RNF180: variants seen among roughly 807,000 people sequenced by gnomAD.
RNF180 encodes ring finger protein 180.
Under a neutral mutation model 59.2 loss-of-function variants are expected in RNF180, and 38 were observed. The observed-to-expected ratio is 0.64, with a 90% CI of 0.50 to 0.84. The LOEUF (loss-of-function observed/expected upper bound fraction) is 0.84, where lower values mean the gene tolerates loss of function less well. RNF180 is among the 40% of genes least tolerant of loss of function. RNF180 has a pLI of 0.00. For missense variants in RNF180, 705 were observed against 700.9 expected (o/e 1.01, Z -0.07); for synonymous variants, 262 against 240.3 (o/e 1.09, Z -0.84).
intron 5 of RNF180, among the ~76,000 whole-genome samples, chr5:64,235,060 T>G (rs763329498): frequency 6.6e-6 from 1 of 152,114 alleles, no homozygotes; most frequent in Non-Finnish European, 1.5e-5. Context: ...GAGGATCACT[T>G]TATCCCAGGA....
At chr5:64,173,373 A>C (rs902553263) in intron 1 of RNF180, among the ~76,000 whole-genome samples, 5 of 152,126 alleles carry the variant, frequency 3.3e-5, no homozygotes, top group African/African-American at 1.2e-4. Context: ...TATATTGTAC[A>C]TATTTGGGGG....
intron 5 of RNF180, among the ~76,000 whole-genome samples, chr5:64,290,421 T>G (rs1348164464): frequency 2.0e-5 from 3 of 152,234 alleles, no homozygotes; most frequent in Admixed American, 2.0e-4. Context: ...GTTTAGGTCC[T>G]GAATATATTT....
intron 7 of RNF180, among the ~76,000 whole-genome samples, chr5:64,340,387 A>AATT (rs1745311793): frequency 1.3e-5 from 2 of 152,192 alleles, no homozygotes; most frequent in African/African-American, 4.8e-5. Flanking sequence ...AAGCCTGGAG[A>AATT]ATTATTTTAT....
At position 64,177,564 on chromosome 5, in the gene RNF180, T is replaced by TATATATATA. The variant is rs1183807512; in HGVS notation, c.-1+11613_-1+11614insATATATAAT. Among the ~76,000 whole-genome samples the TATATATATA allele has an allele frequency of 3.7e-5, 5 of 134,538 alleles. No individual in the cohort carries two copies. The East Asian group carries it at 1.1e-3, about 29-fold the overall frequency. The allele number at this position is 134,538 out of a possible 152,430, so 88.3% of individuals were successfully genotyped here. ...ATATATATATATATATATATATATA[T>TATATATATA]ATGTATTTATTTCTTTCCTGAGTCA... On this transcript the variant is annotated intron_variant, in intron 1 of 7. Coordinates refer to ENST00000389100, the MANE Select transcript of RNF180 (RefSeq NM_001113561.2).
At chr5:64,325,629 C>T (rs1744600488) in intron 6 of RNF180, among the ~76,000 whole-genome samples, 1 of 152,180 alleles carries the variant, frequency 6.6e-6, no homozygotes, top group African/African-American at 2.4e-5. Context: ...CAGATCCTTT[C>T]TAAAACACTG....
intron 7 of RNF180, among the ~76,000 whole-genome samples, chr5:64,354,996 C>G (rs1561278213): frequency 6.6e-6 from 1 of 151,786 alleles, no homozygotes; most frequent in Non-Finnish European, 1.5e-5. Context: ...AAGCTTTCCC[C>G]CTAAAATTAG....
At chr5:64,278,443 A>G (rs1741839224) in intron 5 of RNF180, among the ~76,000 whole-genome samples, 1 of 152,204 alleles carries the variant, frequency 6.6e-6, no homozygotes, top group South Asian at 2.1e-4. Context: ...TAAGTTGTAC[A>G]AATTGTGAGA....
chr5:64,260,298 G>A (rs960784106), intron 5 of RNF180, among the ~76,000 whole-genome samples: 21 of 151,938 alleles, frequency 1.4e-4, no homozygotes, highest in East Asian at 5.8e-4. Flanking sequence ...TTTATTTTAC[G>A]GTTATGCAGT....
rs1418097056 is a variant in RNF180 at position 64,372,620 on chromosome 5, CAAAG to C, written c.*2809_*2812del. The stretch of plus-strand genomic sequence containing the variant: ...ACATCTAATTTTTATATGGATTTCT[CAAAG>C]AATGCCTTACAGAAGAGCATTCTCT... On this transcript the variant is annotated 3_prime_UTR_variant, in exon 8 of 8. Transcript: ENST00000389100. 1 of 151,874 alleles carries C rather than the reference CAAAG, an allele frequency of 6.6e-6. No individual in the cohort carries two copies. The highest frequency in any genetic ancestry group is 2.4e-5 in the African/African-American group (1 of 41,396). The allele number at this position is 151,874 out of a possible 1,614,324, so 9.4% of individuals were successfully genotyped here.
intron 5 of RNF180, among the ~76,000 whole-genome samples, chr5:64,285,544 G>A (rs747384634): frequency 6.6e-6 from 1 of 151,930 alleles, no homozygotes; most frequent in Admixed American, 6.6e-5. Context: ...GCATCATGTG[G>A]GTCAAGTCAG....
chr5:64,215,111 T>A (rs1165769053), intron 4 of RNF180, among the ~76,000 whole-genome samples: 1 of 152,180 alleles, frequency 6.6e-6, no homozygotes, highest in African/African-American at 2.4e-5. Context: ...TCTACTTCAG[T>A]ACCCATAGTA....
At chr5:64,298,818 G>A (rs1269350336) in intron 5 of RNF180, among the ~76,000 whole-genome samples, 1 of 152,026 alleles carries the variant, frequency 6.6e-6, no homozygotes, top group Non-Finnish European at 1.5e-5. Context: ...GCAGTGCAGA[G>A]ACAACTTTAT....
intron 7 of RNF180, among the ~76,000 whole-genome samples, chr5:64,341,471 A>C (rs1288947811): frequency 1.3e-5 from 2 of 152,176 alleles, no homozygotes; most frequent in African/African-American, 4.8e-5. Flanking sequence ...GATTTCAGAA[A>C]TGTTCAAGTG....
chr5:64,269,265 C>T (rs917464230), intron 5 of RNF180, among the ~76,000 whole-genome samples: 5 of 152,272 alleles, frequency 3.3e-5, no homozygotes, highest in Non-Finnish European at 7.4e-5. Context: ...CAGGGTCTCA[C>T]TCTGTCACCT....
chr5:64,344,662 A>G (rs1262639243), intron 7 of RNF180, among the ~76,000 whole-genome samples: 1 of 152,078 alleles, frequency 6.6e-6, no homozygotes, highest in Non-Finnish European at 1.5e-5. Context: ...GGAATTGCCT[A>G]TTCTTTTCCC....
At chr5:64,293,375 C>T (rs949621864) in intron 5 of RNF180, among the ~76,000 whole-genome samples, 1 of 152,268 alleles carries the variant, frequency 6.6e-6, no homozygotes, top group East Asian at 1.9e-4. Flanking sequence ...CATTTTCATT[C>T]CTCTCTGTGA....
intron 2 of RNF180, among the ~76,000 whole-genome samples, chr5:64,203,410 C>A (rs2968291): frequency 0.023 from 3,530 of 152,134 alleles, 125 homozygotes; most frequent in African/African-American, 0.074. Context: ...AGTTGTGTAA[C>A]CACCACTACA....
intron 2 of RNF180, among the ~76,000 whole-genome samples, chr5:64,203,953 A>G (rs1751878910): frequency 1.3e-5 from 2 of 152,304 alleles, no homozygotes; most frequent in Admixed American, 1.3e-4. Flanking sequence ...ACCCCAAAGT[A>G]ATTTTATCAG....
chr5:64,329,311 G>C (rs1455377631), intron 6 of RNF180, among the ~76,000 whole-genome samples: 1 of 151,936 alleles, frequency 6.6e-6, no homozygotes, highest in Non-Finnish European at 1.5e-5. Context: ...ATTTCTTTTA[G>C]ACCACCAGTC....
Sources: gnomAD v4.1 joint callset for allele counts (sites outside exome capture counted in the v4.1 genomes callset) on GRCh38, gnomAD v4.1.1 for gene constraint, MANE v1.5 for transcripts, NCBI Gene and HGNC (gene_info 2026-07-23, HGNC 2026-07-21) for gene names.